Variants in SLC16A3 observed in about 807,000 individuals in gnomAD.
The protein encoded by SLC16A3 is solute carrier family 16 member 3.
Under a neutral mutation model 25.0 loss-of-function variants are expected in SLC16A3, and 22 were observed. The ratio of observed to expected loss-of-function variants is 0.88; its 90% CI spans 0.63 to 1.26. The LOEUF (loss-of-function observed/expected upper bound fraction) is 1.26, where lower values mean the gene tolerates loss of function less well. Among genes scored for constraint, SLC16A3 ranks in the 50% most tolerant of loss-of-function variants. The pLI, the probability that SLC16A3 is intolerant of heterozygous loss-of-function variation, is 0.00. For synonymous variants in SLC16A3, 390 were observed against 309.2 expected (o/e 1.26, Z -2.74); for missense variants, 731 against 666.6 (o/e 1.10, Z -1.06).
At position 82,238,760 on chromosome 17, in the gene SLC16A3, G is replaced by C; in HGVS notation, c.1182G>C (p.Glu394Asp). 6.2e-7 allele frequency: 1 copy of C among 1,612,698 alleles called. No individual in the cohort carries two copies. Among genetic ancestry groups the C allele is most frequent in the Admixed American group, 1.7e-5 (1 of 60,010 alleles). Residue 394 changes from glutamate (E) to aspartate (D), a missense_variant, in exon 5 of 5, where the codon GAG becomes GAC. Transcript: ENST00000582743. ...YMYVFILAGA[E>D]VLTSSLILLL... ...ACGTGTTCATCCTGGCGGGGGCCGA[G>C]GTGCTCACCTCCTCCCTGATTTTGC...
intron 2 of SLC16A3, 145 bp from the exon 3 acceptor site, chr17:82,236,584 A>G: frequency 8.4e-7 from 1 of 1,196,086 alleles, no homozygotes; most frequent in Non-Finnish European, 1.2e-6. Flanking sequence ...GCGCTCGGGG[A>G]GCCTGCCCAC....
chr17:82,236,371 C>T, intron 2 of SLC16A3, 140 bp downstream of exon 2: 1 of 813,092 alleles, frequency 1.2e-6, no homozygotes, highest in East Asian at 2.7e-5. Flanking sequence ...GGCCAGGATC[C>T]TGCTGGGCAG....
chr17:82,238,645 C>G (rs532768848), intron 4 of SLC16A3, 57 bp from the exon 5 acceptor site: 29 of 1,535,068 alleles, frequency 1.9e-5, no homozygotes, highest in Non-Finnish European at 2.3e-5. Flanking sequence ...TGGGTGGAGC[C>G]GTGGGCCCTG....
At position 82,239,913 on chromosome 17, in the gene SLC16A3, C is replaced by G. The variant is rs1231582770; in HGVS notation, c.*937C>G. On this transcript the variant is annotated 3_prime_UTR_variant, in exon 5 of 5. Coordinates refer to ENST00000582743, the MANE Select transcript of SLC16A3 (RefSeq NM_004207.4). ...GCTTGTCCTGGACACCTAACACCCA[C>G]CTGCCCTCGTGGCCAGCAGTGGCCT... 1 of 1,022,116 alleles carries G rather than the reference C, an allele frequency of 9.8e-7. No homozygotes were observed. Among genetic ancestry groups the G allele is most frequent in the African/African-American group, 1.7e-5 (1 of 60,262 alleles). The allele number at this position is 1,022,116 out of a possible 1,614,324, so 63.3% of individuals were successfully genotyped here. A position where few individuals can be genotyped will look rare whatever the true frequency, so the allele number is the denominator to read the frequency against.
At chr17:82,231,122 A>G (rs1036816319) in intron 1 of SLC16A3, 1 of 151,992 alleles carries the variant, frequency 6.6e-6, no homozygotes, top group African/African-American at 2.4e-5. Context: ...TGGCGCGGTC[A>G]CGTCCCCCAC....
At chr17:82,225,768 C>T (rs968652231), upstream of SLC16A3, among the ~76,000 whole-genome samples, 2 of 152,130 alleles carry the variant, frequency 1.3e-5, no homozygotes, top group Non-Finnish European at 2.9e-5. Context: ...GTGCGGGGTT[C>T]CCAAGGACGC....
intron 2 of SLC16A3, 96 bp from the exon 3 acceptor site, chr17:82,236,633 G>A: frequency 1.3e-6 from 2 of 1,518,840 alleles, no homozygotes; most frequent in African/African-American, 1.4e-5. Flanking sequence ...GGGGTGGTGT[G>A]GGAAGGGGAG....
Position 82,237,691 on chromosome 17 carries a change from C to T in SLC16A3, c.921C>T (p.Leu307=), listed in dbSNP as rs751602888. ...LFSFSMFFNG[L]ADLAGSTAGD... The stretch of plus-strand genomic sequence containing the variant: ...GCTTCTCCATGTTCTTCAACGGCCT[C>T]GCGGACCTGGCGGGTTCTACGGCGG... The change falls in exon 4 of 5, where the codon CTC becomes CTT. Residue 307 remains leucine, a synonymous_variant. Transcript: ENST00000582743. 5.6e-6 allele frequency: 9 copies of T among 1,612,828 alleles called. No individual in the cohort carries two copies. Among genetic ancestry groups the T allele is most frequent in the South Asian group, 1.1e-5 (1 of 91,082 alleles).
intron 1 of SLC16A3, among the ~76,000 whole-genome samples, chr17:82,220,415 C>T (rs1238932248): frequency 6.6e-6 from 1 of 152,228 alleles, no homozygotes; most frequent in Non-Finnish European, 1.5e-5. Context: ...CCCTGCCTGG[C>T]ACACCCACTC....
At chr17:82,236,455 G>A (rs187223855) in intron 2 of SLC16A3, 10 of 630,930 alleles carry the variant, frequency 1.6e-5, no homozygotes, top group Non-Finnish European at 2.5e-5. Context: ...CGGGTCGGCT[G>A]TATTTATAGA....
At position 82,239,753 on chromosome 17, in the gene SLC16A3, G is replaced by A. The variant is rs2050713359; in HGVS notation, c.*777G>A. 2 of 391,046 alleles carry A rather than the reference G, an allele frequency of 5.1e-6. No homozygotes were observed. Among genetic ancestry groups the A allele is most frequent in the Non-Finnish European group, 9.0e-6 (2 of 221,640 alleles). 24.2% of individuals were successfully genotyped at this position (391,046 alleles called of 1,614,324 possible). A position where few individuals can be genotyped will look rare whatever the true frequency, so the allele number is the denominator to read the frequency against. ...GGTGGAACAAGCCACTTTATTCACT[G>A]CTGTGTTTAAGAAACAGGACCCTCC... On this transcript the variant is annotated 3_prime_UTR_variant, in exon 5 of 5. Transcript: ENST00000582743.
In SLC16A3 at chr17:82,237,858, AG is replaced by A. The variant is rs1363584041; in HGVS notation, c.1090del (p.Ala364ArgfsTer37). ...SSAIGLVLLMEAVAVLVGPPS... is the reference protein window; with the variant it reads ...SSAIGLVLLMXAVAVLVGPPS... ...GCCATTGGCCTGGTGCTGCTGATGG[AG>A]GCGGTGGCCGTGCTCGTCGGGCCCC... is the stretch of plus-strand genomic sequence containing the variant. On this transcript the variant is annotated frameshift_variant, in exon 4 of 5. Transcript: ENST00000582743. LOFTEE classifies it low-confidence loss of function (END_TRUNC). 4.4e-6 allele frequency: 7 copies of A among 1,603,450 alleles called. No individual in the cohort carries two copies. The highest frequency in any genetic ancestry group is 5.9e-6 in the Non-Finnish European group (7 of 1,179,818).
intron 1 of SLC16A3, chr17:82,230,854 G>T (rs2050482578): frequency 1.3e-5 from 2 of 152,166 alleles, no homozygotes; most frequent in African/African-American, 4.8e-5. Context: ...GGCCACGCCG[G>T]GCAGCCGCAC....
chr17:82,237,977 T>C, intron 4 of SLC16A3, 84 bp downstream of exon 4: 1 of 1,467,280 alleles, frequency 6.8e-7, no homozygotes, highest in South Asian at 1.3e-5. Flanking sequence ...CGCGCACCCC[T>C]CGGCAGCCAC....
At chr17:82,236,519 G>A (rs2050605949) in intron 2 of SLC16A3, 1 of 668,196 alleles carries the variant, frequency 1.5e-6, no homozygotes, top group Non-Finnish European at 2.5e-6. Flanking sequence ...GGCTGTTCCT[G>A]AGCTGCAGGG....
intron 1 of SLC16A3, chr17:82,235,619 T>C: frequency 3.2e-6 from 1 of 315,812 alleles, no homozygotes; most frequent in South Asian, 3.1e-5. Flanking sequence ...GCGTGGTCCC[T>C]GCCCAGCACG....
At chr17:82,228,226 A>C (rs1431904283), upstream of SLC16A3, among the ~76,000 whole-genome samples, 1 of 152,240 alleles carries the variant, frequency 6.6e-6, no homozygotes, top group African/African-American at 2.4e-5. Context: ...TCCATGTTGC[A>C]AATGAGAGAA....
upstream of SLC16A3, chr17:82,228,911 G>C (rs1243544589): frequency 6.7e-6 from 1 of 149,956 alleles, no homozygotes; most frequent in Non-Finnish European, 1.5e-5. Context: ...GCTGCGGCCC[G>C]GGAGCCCGTC....
At chr17:82,237,047 G>A in intron 3 of SLC16A3, 91 bp from the exon 4 acceptor site, 1 of 1,454,240 alleles carries the variant, frequency 6.9e-7, no homozygotes, top group Non-Finnish European at 9.1e-7. Context: ...CACCCTGGGA[G>A]CCTGAGCCTG....
Sources: allele counts gnomAD v4.1 joint callset (sites outside exome capture counted in the v4.1 genomes callset), GRCh38; gene constraint gnomAD v4.1.1; transcripts MANE v1.5; gene names NCBI Gene and HGNC (gene_info 2026-07-23, HGNC 2026-07-21).